Variants in ACADM observed in about 807,000 individuals in gnomAD.
ACADM encodes medium-chain specific acyl-CoA dehydrogenase, mitochondrial.
In ACADM, 49 loss-of-function variants were observed where a neutral mutation model predicts 58.9. That is an observed-to-expected ratio of 0.83 (90% CI 0.66 to 1.06). ACADM has a LOEUF of 1.06. ACADM is among the 50% of genes least tolerant of loss of function. ACADM has a pLI of 0.00. For missense variants in ACADM, 496 were observed against 507.0 expected (o/e 0.98, Z 0.21); for synonymous variants, 160 against 157.7 (o/e 1.01, Z -0.11).
Position 75,763,136 on chromosome 1 carries a change from A to G in ACADM, c.*373A>G, listed in dbSNP as rs527502310. 1 of 163,504 alleles carries G rather than the reference A, an allele frequency of 6.1e-6. No homozygotes were observed. The highest frequency in any genetic ancestry group is 1.7e-4 in the East Asian group (1 of 5,906). 10.1% of individuals were successfully genotyped at this position (163,504 alleles called of 1,614,324 possible). The stretch of plus-strand genomic sequence containing the variant: ...GTTACAAAATTTACATTTAGAAAAT[A>G]TTGTAGTATTTGAATACTGTCAACT... On this transcript the variant is annotated 3_prime_UTR_variant, in exon 12 of 12. Coordinates refer to ENST00000370841, the MANE Select transcript of ACADM (RefSeq NM_000016.6).
intron 10 of ACADM, among the ~76,000 whole-genome samples, chr1:75,752,521 A>C (rs561052308): frequency 6.6e-6 from 1 of 152,288 alleles, no homozygotes; most frequent in Admixed American, 6.5e-5. Context: ...TCTACACTAT[A>C]TTCTAGATAA....
Position 75,744,081 on chromosome 1 carries a change from A to G in ACADM, c.600-1725A>G, listed in dbSNP as rs879132946. ...GCCTCCTTCAGACGCTGAGCAATGC[A>G]CTGCCGCATCCTGTTCATTTTCTCC... On this transcript the variant is annotated intron_variant, in intron 7 of 11. Coordinates refer to ENST00000370841, the MANE Select transcript of ACADM (RefSeq NM_000016.6). 7.7e-5 allele frequency: 123 copies of G among 1,588,068 alleles called. 3 individuals are homozygous for G. Among genetic ancestry groups the G allele is most frequent in the Admixed American group, 3.3e-4 (20 of 59,966 alleles).
At chr1:75,744,861 G>A (rs1647803128) in intron 7 of ACADM, 2 of 409,344 alleles carry the variant, frequency 4.9e-6, no homozygotes, top group East Asian at 5.5e-5. Context: ...GCCCCTTAAA[G>A]AATAAAATTA....
chr1:75,762,840 C>A lies in ACADM; in HGVS notation c.*77C>A. 1 of 891,494 alleles carries A rather than the reference C, an allele frequency of 1.1e-6. No homozygotes were observed. Among genetic ancestry groups the A allele is most frequent in the Non-Finnish European group, 1.8e-6 (1 of 558,526 alleles). 55.2% of individuals were successfully genotyped at this position (891,494 alleles called of 1,614,324 possible). A position where few individuals can be genotyped will look rare whatever the true frequency, so the allele number is the denominator to read the frequency against. On this transcript the variant is annotated 3_prime_UTR_variant, in exon 12 of 12. Transcript: ENST00000370841. ...CTCCAGAAAAAAGAAAGGGCTTTAA[C>A]GTTTTTTCCAGTGAAAACAAATCCT...
intron 10 of ACADM, among the ~76,000 whole-genome samples, chr1:75,751,119 A>T (rs142880809): frequency 1.3e-3 from 191 of 149,946 alleles, no homozygotes; most frequent in African/African-American, 4.2e-3. Context: ...AGGCGGGCGG[A>T]TCATGAGGTC....
At chr1:75,733,167 A>T in intron 4 of ACADM, 1 of 1,612,434 alleles carries the variant, frequency 6.2e-7, no homozygotes. Flanking sequence ...CCGTTTCTAG[A>T]GTTGGTCAAT....
chr1:75,751,277 T>C (rs78245778), intron 10 of ACADM, among the ~76,000 whole-genome samples: 42,510 of 150,866 alleles, frequency 0.28, 6,881 homozygotes, highest in East Asian at 0.69. Context: ...GAGGCAGAGC[T>C]TGCAGTGAGC....
At chr1:75,726,685 G>C (rs536224859) in intron 1 of ACADM, among the ~76,000 whole-genome samples, 23 of 152,230 alleles carry the variant, frequency 1.5e-4, no homozygotes, top group African/African-American at 5.3e-4. Context: ...AAAAGTAATG[G>C]CTTAATCCTA....
intron 10 of ACADM, among the ~76,000 whole-genome samples, chr1:75,759,752 C>G (rs1387662445): frequency 6.7e-6 from 1 of 150,038 alleles, no homozygotes; most frequent in Non-Finnish European, 1.5e-5. Flanking sequence ...ACCTCCACCT[C>G]CCAGGTTTAA....
intron 1 of ACADM, among the ~76,000 whole-genome samples, chr1:75,727,416 G>A (rs1465470977): frequency 6.6e-6 from 1 of 152,126 alleles, no homozygotes; most frequent in Non-Finnish European, 1.5e-5. Flanking sequence ...TTGCTGGATA[G>A]TTCAATTAAA....
chr1:75,732,423 A>G lies in ACADM; in HGVS notation c.119-221A>G, dbSNP rs1202288730. On this transcript the variant is annotated intron_variant, in intron 2 of 11. Transcript: ENST00000370841. The stretch of plus-strand genomic sequence containing the variant: ...GGTTAATATCTATTACTCATTTGTA[A>G]AAGTTAAAAATCTTACCTATTTCCT... The G allele has an allele frequency of 3.3e-5, 18 of 550,018 alleles. No individual in the cohort carries two copies. In the East Asian group the frequency reaches 5.8e-4, roughly 18 times the overall value. 34.1% of individuals were successfully genotyped at this position (550,018 alleles called of 1,614,324 possible).
At chr1:75,737,283 T>A (rs1340521699) in intron 6 of ACADM, among the ~76,000 whole-genome samples, 3 of 32,588 alleles carry the variant, frequency 9.2e-5, no homozygotes, top group African/African-American at 2.4e-4. Context: ...CACACAAATA[T>A]ATATATATAT....
intron 10 of ACADM, among the ~76,000 whole-genome samples, chr1:75,760,544 C>CAAAAAAAAAAAGAAAAAAAAAAAAAAAAA (rs1648779217): frequency 2.8e-5 from 1 of 35,458 alleles, no homozygotes; most frequent in African/African-American, 6.9e-5. Flanking sequence ...GACCCTGTCT[C>CAAAAAAAAAAAGAAAAAAAAAAAAAAAAA]AAAAAAAAAA....
intron 10 of ACADM, among the ~76,000 whole-genome samples, chr1:75,760,595 A>C (rs933678452): frequency 2.0e-5 from 3 of 147,752 alleles, no homozygotes; most frequent in Non-Finnish European, 4.5e-5. Flanking sequence ...GCAAACTGAA[A>C]TTGAAGGACA....
chr1:75,726,734 C>T (rs1239479927), intron 1 of ACADM, among the ~76,000 whole-genome samples: 1 of 151,454 alleles, frequency 6.6e-6, no homozygotes, highest in Non-Finnish European at 1.5e-5. Flanking sequence ...CTGTGTAACG[C>T]GACTGTAAAT....
At chr1:75,731,655 GTTA>G (rs1450490449) in intron 2 of ACADM, among the ~76,000 whole-genome samples, 2 of 152,152 alleles carry the variant, frequency 1.3e-5, no homozygotes, top group African/African-American at 4.8e-5. Context: ...AGGATTTTAT[GTTA>G]TTATCTTTTG....
chr1:75,737,860 C>T lies in ACADM; in HGVS notation c.469-2120C>T, dbSNP rs145125876. The stretch of plus-strand genomic sequence containing the variant: ...TGTTCAATAAATGTTAGAGTGATTT[C>T]ACTGTACTTTTCTTTGGCTATATTG... On this transcript the variant is annotated intron_variant, in intron 6 of 11. Transcript: ENST00000370841. Among the ~76,000 whole-genome samples the T allele has an allele frequency of 6.0e-3, 913 of 152,068 alleles. 13 individuals carry two copies. Among genetic ancestry groups the T allele is most frequent in the African/African-American group, 0.021 (879 of 41,504 alleles).
intron 1 of ACADM, among the ~76,000 whole-genome samples, chr1:75,727,375 T>C (rs1402846530): frequency 2.6e-5 from 4 of 152,248 alleles, no homozygotes; most frequent in Non-Finnish European, 2.9e-5. Flanking sequence ...CTTCAGCTGC[T>C]CTTTTCTCTT....
intron 7 of ACADM, among the ~76,000 whole-genome samples, 173 bp downstream of exon 7, chr1:75,740,283 T>C (rs1024723706): frequency 6.6e-6 from 1 of 152,228 alleles, no homozygotes; most frequent in African/African-American, 2.4e-5. Context: ...TTTAAGCCCC[T>C]GCACTGTTTT....
Sources: gnomAD v4.1 joint callset for allele counts (sites outside exome capture counted in the v4.1 genomes callset) on GRCh38, gnomAD v4.1.1 for gene constraint, MANE v1.5 for transcripts, NCBI Gene and HGNC (gene_info 2026-07-23, HGNC 2026-07-21) for gene names.